The following TRAK1 variants were observed in gnomAD, a reference collection of about 807,000 sequenced individuals.
TRAK1 encodes trafficking kinesin-binding protein 1.
In TRAK1, 33 loss-of-function variants were observed where a neutral mutation model predicts 92.1. That is an observed-to-expected ratio of 0.36 (90% CI 0.27 to 0.48). The LOEUF (loss-of-function observed/expected upper bound fraction) is 0.48. Among genes scored for constraint, TRAK1 ranks in the 20% least tolerant of loss-of-function variants. The pLI, the probability that TRAK1 is intolerant of heterozygous loss-of-function variation, is 0.99. For missense variants in TRAK1, 1,123 were observed against 1,257.9 expected (o/e 0.89, Z 1.62); for synonymous variants, 521 against 517.3 (o/e 1.01, Z -0.10).
intron 1 of TRAK1, among the ~76,000 whole-genome samples, chr3:42,082,072 G>A (rs1489522359): frequency 6.6e-6 from 1 of 152,132 alleles, no homozygotes; most frequent in Non-Finnish European, 1.5e-5. Flanking sequence ...AGCATTTGCT[G>A]ATGTCTCCAA....
intron 7 of TRAK1, among the ~76,000 whole-genome samples, chr3:42,192,211 G>GC (rs199785691): frequency 0.011 from 1,649 of 152,216 alleles, 36 homozygotes; most frequent in African/African-American, 0.037. Flanking sequence ...CAGAATATTG[G>GC]AATTTTTTAA....
intron 14 of TRAK1, chr3:42,212,108 A>G: frequency 1.0e-6 from 1 of 985,398 alleles, no homozygotes; most frequent in Non-Finnish European, 1.2e-6. Flanking sequence ...AGAATGTAAA[A>G]AGCATATCGC....
chr3:42,042,860 T>C (rs1438825751), intron 1 of TRAK1, among the ~76,000 whole-genome samples: 1 of 152,184 alleles, frequency 6.6e-6, no homozygotes, highest in Admixed American at 6.5e-5. Context: ...TTGTACTCAC[T>C]GCTCTGATTA....
At chr3:42,205,800 G>A (rs1326040807) in intron 13 of TRAK1, among the ~76,000 whole-genome samples, 4 of 152,220 alleles carry the variant, frequency 2.6e-5, no homozygotes, top group African/African-American at 7.2e-5. Flanking sequence ...GTTTTAGCTG[G>A]AACACTGGGG....
chr3:42,032,166 T>A (rs940499209), intron 1 of TRAK1, among the ~76,000 whole-genome samples: 1 of 152,164 alleles, frequency 6.6e-6, no homozygotes. Context: ...CAGTAGAGAC[T>A]CTAGAAGGTG....
At chr3:42,126,282 G>A (rs1031282097) in intron 2 of TRAK1, among the ~76,000 whole-genome samples, 3 of 152,020 alleles carry the variant, frequency 2.0e-5, no homozygotes, top group African/African-American at 7.3e-5. Context: ...GAATATCCAG[G>A]CTTCTCATTT....
At chr3:42,218,522 TTTA>T (rs1452013657) in intron 14 of TRAK1, 3 of 984,052 alleles carry the variant, frequency 3.0e-6, no homozygotes, top group South Asian at 9.4e-5. Flanking sequence ...TTTTTTTTAT[TTTA>T]TTATTATTTT....
At chr3:42,106,814 A>C (rs1411580215) in intron 1 of TRAK1, among the ~76,000 whole-genome samples, 1 of 152,176 alleles carries the variant, frequency 6.6e-6, no homozygotes, top group Non-Finnish European at 1.5e-5. Flanking sequence ...GAAATCTTTT[A>C]ATATCCAGAT....
chr3:42,070,923 T>G (rs1468310277), intron 1 of TRAK1, among the ~76,000 whole-genome samples: 1 of 152,242 alleles, frequency 6.6e-6, no homozygotes, highest in African/African-American at 2.4e-5. Context: ...ATAAACAGCC[T>G]TGGGTTCAAC....
chr3:42,063,669 G>A (rs1418930670), intron 1 of TRAK1, among the ~76,000 whole-genome samples: 2 of 149,594 alleles, frequency 1.3e-5, no homozygotes, highest in African/African-American at 4.9e-5. Context: ...CTTGGTGACA[G>A]AGTGAGACTC....
chr3:42,094,626 C>A (rs1705631240), intron 1 of TRAK1, among the ~76,000 whole-genome samples: 1 of 152,122 alleles, frequency 6.6e-6, no homozygotes, highest in African/African-American at 2.4e-5. Context: ...ACCACCTTAG[C>A]TTTCCAAAGT....
chr3:42,086,915 T>C (rs972409268), upstream of TRAK1, among the ~76,000 whole-genome samples: 5 of 152,148 alleles, frequency 3.3e-5, no homozygotes, highest in African/African-American at 1.2e-4. Flanking sequence ...ATTGATTAGT[T>C]GAATGGAACT....
chr3:42,111,916 C>CTTT (rs200985476), intron 1 of TRAK1, among the ~76,000 whole-genome samples: 1 of 136,216 alleles, frequency 7.3e-6, no homozygotes, highest in African/African-American at 2.7e-5. Context: ...CTGACATCTT[C>CTTT]TTTTTTTTTT....
intron 2 of TRAK1, among the ~76,000 whole-genome samples, chr3:42,133,523 T>A (rs1559812227): frequency 6.6e-6 from 1 of 152,206 alleles, no homozygotes; most frequent in Non-Finnish European, 1.5e-5. Flanking sequence ...GCCCAGCTTC[T>A]TTTCTGTTCT....
intron 14 of TRAK1, among the ~76,000 whole-genome samples, chr3:42,216,171 C>T (rs1311812657): frequency 1.3e-5 from 2 of 152,190 alleles, no homozygotes; most frequent in East Asian, 3.9e-4. Flanking sequence ...TCCCCTTCTC[C>T]TCACTGTGAA....
chr3:42,014,947 G>A (rs1288008356), intron 1 of TRAK1, among the ~76,000 whole-genome samples: 3 of 152,302 alleles, frequency 2.0e-5, no homozygotes, highest in East Asian at 1.9e-4. Flanking sequence ...GGAGAGTGGA[G>A]GTTACCATAG....
At chr3:42,025,654 G>T (rs903796933) in intron 1 of TRAK1, among the ~76,000 whole-genome samples, 3 of 148,204 alleles carry the variant, frequency 2.0e-5, no homozygotes, top group Admixed American at 6.7e-5. Context: ...GAGAATGAAA[G>T]CCGTGGAGGA....
chr3:42,130,223 C>CT (rs1697014058), intron 2 of TRAK1, among the ~76,000 whole-genome samples: 1 of 151,900 alleles, frequency 6.6e-6, no homozygotes, highest in African/African-American at 2.4e-5. Context: ...ATGAAAGCTG[C>CT]TGCATTGGTC....
chr3:42,042,207 G>A (rs1576160585), intron 1 of TRAK1, among the ~76,000 whole-genome samples: 2 of 152,124 alleles, frequency 1.3e-5, no homozygotes, highest in South Asian at 2.1e-4. Context: ...GATTACAGGC[G>A]TGAGCCATCG....
Sources: allele counts gnomAD v4.1 joint callset (sites outside exome capture counted in the v4.1 genomes callset), GRCh38; gene constraint gnomAD v4.1.1; transcripts MANE v1.5; gene names NCBI Gene and HGNC (gene_info 2026-07-23, HGNC 2026-07-21).